Variants in AHRR observed in about 807,000 individuals in gnomAD.
AHRR encodes the protein ahR repressor.
AHRR carries 28 observed loss-of-function variants against 44.0 expected under a neutral mutation model. The ratio of observed to expected loss-of-function variants is 0.64; its 90% CI spans 0.47 to 0.87. AHRR has a LOEUF of 0.87. AHRR is among the 40% of genes least tolerant of loss of function. The probability of loss-of-function intolerance (pLI) is 0.00; values close to 1 mark genes in which losing one functional copy is unlikely to be tolerated. For synonymous variants in AHRR, 434 were observed against 407.0 expected (o/e 1.07, Z -0.80); for missense variants, 990 against 953.9 (o/e 1.04, Z -0.50).
At chr5:421,952 C>T (rs1158927581) in intron 5 of AHRR, among the ~76,000 whole-genome samples, 2 of 152,200 alleles carry the variant, frequency 1.3e-5, no homozygotes, top group Non-Finnish European at 2.9e-5. Context: ...TTAGGTCACC[C>T]AGAAAGAGTC....
At chr5:415,441 G>A (rs71585242) in intron 5 of AHRR, among the ~76,000 whole-genome samples, 2 of 89,118 alleles carry the variant, frequency 2.2e-5, no homozygotes, top group Admixed American at 2.5e-4. Flanking sequence ...CTGCCTGGTC[G>A]GGCGGGAGGC....
At chr5:431,331 C>T (rs1173028609) in intron 8 of AHRR, among the ~76,000 whole-genome samples, 1 of 152,236 alleles carries the variant, frequency 6.6e-6, no homozygotes, top group Non-Finnish European at 1.5e-5. Flanking sequence ...TGGCACACAA[C>T]TTCAGCTCAA....
chr5:329,354 T>C (rs1741836572), intron 1 of AHRR, among the ~76,000 whole-genome samples: 1 of 152,024 alleles, frequency 6.6e-6, no homozygotes, highest in Admixed American at 6.6e-5. Context: ...TGTGCCACCA[T>C]GCCTGACTAA....
chr5:372,997 G>C (rs1743629651), intron 3 of AHRR, among the ~76,000 whole-genome samples: 1 of 152,230 alleles, frequency 6.6e-6, no homozygotes, highest in Non-Finnish European at 1.5e-5. Context: ...GTGGGCACAG[G>C]GTCGCCCGAG....
chr5:434,865 T>G lies in AHRR; in HGVS notation c.*31T>G. 6.6e-7 allele frequency: 1 copy of G among 1,522,288 alleles called. No individual in the cohort carries two copies. The highest frequency in any genetic ancestry group is 8.9e-7 in the Non-Finnish European group (1 of 1,129,318). The allele number at this position is 1,522,288 out of a possible 1,614,324, so 94.3% of individuals were successfully genotyped here. On this transcript the variant is annotated 3_prime_UTR_variant, in exon 11 of 11. Coordinates refer to ENST00000684583, the MANE Select transcript of AHRR (RefSeq NM_001377236.1). ...TGACCACCATCCAAGCTCAGATCTG[T>G]GTGTCTACGCTCAGATGCGTCGGTG... is the stretch of plus-strand genomic sequence containing the variant.
intron 1 of AHRR, among the ~76,000 whole-genome samples, chr5:334,501 A>G (rs1474418536): frequency 6.6e-6 from 1 of 151,334 alleles, no homozygotes; most frequent in African/African-American, 2.4e-5. Flanking sequence ...GGTCTAGTCT[A>G]TTGTTGGAGC....
At chr5:364,664 A>G (rs1020936416) in intron 3 of AHRR, among the ~76,000 whole-genome samples, 4 of 152,194 alleles carry the variant, frequency 2.6e-5, no homozygotes, top group African/African-American at 4.8e-5. Flanking sequence ...CAAATATATC[A>G]GTAACTACAA....
chr5:421,592 G>A (rs887071215), intron 5 of AHRR, among the ~76,000 whole-genome samples: 2 of 152,218 alleles, frequency 1.3e-5, no homozygotes, highest in Non-Finnish European at 2.9e-5. Flanking sequence ...GCAGAGCCGC[G>A]GAGGAGTGCA....
chr5:332,033 C>A (rs1250021823), intron 1 of AHRR, among the ~76,000 whole-genome samples: 1 of 152,112 alleles, frequency 6.6e-6, no homozygotes, highest in Non-Finnish European at 1.5e-5. Context: ...TTTGTTTCAG[C>A]AATTTTTAAA....
chr5:378,467 G>A (rs1274994233), intron 4 of AHRR, among the ~76,000 whole-genome samples: 2 of 152,216 alleles, frequency 1.3e-5, no homozygotes, highest in Non-Finnish European at 2.9e-5. Flanking sequence ...CTTTAGTAAT[G>A]ATCTAGAAAT....
intron 3 of AHRR, among the ~76,000 whole-genome samples, chr5:371,940 C>A (rs1743593749): frequency 6.6e-6 from 1 of 152,178 alleles, no homozygotes; most frequent in African/African-American, 2.4e-5. Flanking sequence ...GAAAGGGATC[C>A]TGGGCCTTCC....
intron 4 of AHRR, among the ~76,000 whole-genome samples, chr5:382,735 G>T (rs1358771521): frequency 7.8e-6 from 1 of 128,796 alleles, no homozygotes; most frequent in African/African-American, 3.4e-5. Flanking sequence ...TATTGAATTT[G>T]TCTATTTGTC....
chr5:343,910 C>A lies in AHRR; in HGVS notation c.8C>A (p.Pro3Gln). The change falls in exon 2 of 11, where the codon CCG becomes CAG. Residue 3 changes from proline to glutamine, a missense_variant. Coordinates refer to ENST00000684583, the MANE Select transcript of AHRR (RefSeq NM_001377236.1). ...TCTTCCAGGCCGAGGACGATGATCC[C>A]GCCGGGGGAGTGCACGTACGCGGGC... MI[P>Q]PGECTYAGRK... 1 of 1,600,540 alleles carries A rather than the reference C, an allele frequency of 6.2e-7. No individual in the cohort carries two copies.
At chr5:371,743 C>T (rs2126430639) in intron 3 of AHRR, among the ~76,000 whole-genome samples, 2 of 152,312 alleles carry the variant, frequency 1.3e-5, no homozygotes, top group Middle Eastern at 6.8e-3. Flanking sequence ...TGAAATGCTC[C>T]CAGGAGCTGC....
chr5:398,484 GCA>G (rs1410595053), intron 4 of AHRR, among the ~76,000 whole-genome samples: 2 of 152,218 alleles, frequency 1.3e-5, no homozygotes, highest in Admixed American at 6.5e-5. Context: ...TGAGCCGGGT[GCA>G]CAGAGTTCTA....
intron 1 of AHRR, among the ~76,000 whole-genome samples, chr5:336,625 C>A (rs1742138160): frequency 6.6e-6 from 1 of 151,946 alleles, no homozygotes; most frequent in South Asian, 2.1e-4. Flanking sequence ...TGTCTTGTGA[C>A]ACAAAAATTT....
Position 434,413 on chromosome 5 carries a change from G to C in AHRR, c.1673G>C (p.Ser558Thr). The C allele has an allele frequency of 6.2e-7, 1 of 1,613,306 alleles. No homozygotes were observed. Among genetic ancestry groups the C allele is most frequent in the South Asian group, 1.1e-5 (1 of 91,080 alleles). The change falls in exon 11 of 11, where the codon AGT becomes ACT. Residue 558 changes from serine (S) to threonine (T), a missense_variant. Ser to Thr is a moderately conservative substitution (Grantham distance 58). Coordinates refer to ENST00000684583, the MANE Select transcript of AHRR (RefSeq NM_001377236.1). ...CCCAGCCAGGTGTGGCTGGGGGCCA[G>C]TGACAGGAGCCACCCAGCCACCTTC... ...CVPSQVWLGA[S>T]DRSHPATFPT...
At position 391,323 on chromosome 5, in the gene AHRR, A is replaced by ACGGGCGCAGGGCGAGG. The variant is rs1409468903; in HGVS notation, c.351+14625_351+14640dup. ...ATTAGGAAGGTGGGCCAGAGCGTGC[A>ACGGGCGCAGGGCGAGG]CGGGCGCAGGGCGAGGCGGGCGCAG... On this transcript the variant is annotated intron_variant, in intron 4 of 10. Coordinates refer to ENST00000684583, the MANE Select transcript of AHRR (RefSeq NM_001377236.1). 2.9e-3 allele frequency among the ~76,000 whole-genome samples: 390 copies of ACGGGCGCAGGGCGAGG among 132,412 alleles called. 13 individuals are homozygous for ACGGGCGCAGGGCGAGG. The East Asian group carries it at 0.042, about 14-fold the overall frequency. The allele number at this position is 132,412 out of a possible 152,430, so 86.9% of individuals were successfully genotyped here. A position where few individuals can be genotyped will look rare whatever the true frequency, so the allele number is the denominator to read the frequency against.
intron 3 of AHRR, among the ~76,000 whole-genome samples, chr5:374,233 C>T (rs1243514431): frequency 6.6e-6 from 1 of 152,168 alleles, no homozygotes; most frequent in Non-Finnish European, 1.5e-5. Flanking sequence ...ACGGGGCGAC[C>T]CCAGCAGCGT....
Sources: gnomAD v4.1 joint callset for allele counts (sites outside exome capture counted in the v4.1 genomes callset) on GRCh38, gnomAD v4.1.1 for gene constraint, MANE v1.5 for transcripts, NCBI Gene and HGNC (gene_info 2026-07-23, HGNC 2026-07-21) for gene names.